The following KLLN variants were observed in gnomAD, a reference collection of about 807,000 sequenced individuals.
KLLN encodes killin.
For synonymous variants in KLLN, 142 were observed against 102.2 expected (o/e 1.39, Z -2.35); for missense variants, 340 against 241.3 (o/e 1.41, Z -2.71).
chr10:87,862,454 C>T lies in KLLN; in HGVS notation c.34G>A (p.Gly12Ser). ...TAACCCCAAACGTGCACGGTCCGGC[C>T]GGGGCGCGCGGAGCCTGGCCCCGGG... ...DRPGPGSARP[G>S]RTVHVWGYRV... Residue 12 changes from glycine (G) to serine (S), a missense_variant, in exon 1 of 1, where the codon GGC becomes AGC. Coordinates refer to ENST00000445946, the MANE Select transcript of KLLN (RefSeq NM_001126049.2). 1 of 1,550,188 alleles carries T rather than the reference C, an allele frequency of 6.5e-7. No individual in the cohort carries two copies. Among genetic ancestry groups the T allele is most frequent in the South Asian group, 1.2e-5 (1 of 84,030 alleles).
rs139261693 is a variant in KLLN, at chr10:87,860,239, T to C, written c.*1712A>G. ...ATCAGTATTTCTTTCAGAAACAACT[T>C]AACACTAGGAACAGAAGGAGGATTT... On this transcript the variant is annotated 3_prime_UTR_variant, in exon 1 of 1. Transcript: ENST00000445946. 2.3e-4 allele frequency: 35 copies of C among 152,260 alleles called. No homozygotes were observed. Among genetic ancestry groups the C allele is most frequent in the African/African-American group, 7.2e-4 (30 of 41,536 alleles). 9.4% of individuals were successfully genotyped at this position (152,260 alleles called of 1,614,324 possible).
chr10:87,862,609 G>A lies in KLLN; in HGVS notation c.-122C>T, dbSNP rs1334753473. Reference sequence around the variant, plus strand: ...GGGGAAAGATGCTCGACTCTCTTGGGGGCACCGGAGCGGGCGCAGGAGAGG... The same window carrying A: ...GGGGAAAGATGCTCGACTCTCTTGGAGGCACCGGAGCGGGCGCAGGAGAGG... On this transcript the variant is annotated 5_prime_UTR_variant, in exon 1 of 1. Coordinates refer to ENST00000445946, the MANE Select transcript of KLLN (RefSeq NM_001126049.2). The A allele has an allele frequency of 5.4e-6, 5 of 932,182 alleles. No homozygotes were observed. The highest frequency in any genetic ancestry group is 1.7e-5 in the African/African-American group (1 of 59,900). 57.7% of individuals were successfully genotyped at this position (932,182 alleles called of 1,614,324 possible).
Position 87,859,414 on chromosome 10 carries a change from A to C in KLLN, c.*2537T>G, listed in dbSNP as rs1339147245. The C allele has an allele frequency of 6.6e-6, 1 of 152,210 alleles. No homozygotes were observed. 9.4% of individuals were successfully genotyped at this position (152,210 alleles called of 1,614,324 possible). ...TCAGCGTATGGGAGATGAGAAAGGC[A>C]CTATAGAGATCAGAGTGTTTACACA... On this transcript the variant is annotated 3_prime_UTR_variant, in exon 1 of 1. Transcript: ENST00000445946.
rs2132138814 is a variant in KLLN, at chr10:87,862,959, G to C, written c.-472C>G. 1 of 187,692 alleles carries C rather than the reference G, an allele frequency of 5.3e-6. No individual in the cohort carries two copies. Among genetic ancestry groups the C allele is most frequent in the South Asian group, 1.4e-4 (1 of 7,318 alleles). 11.6% of individuals were successfully genotyped at this position (187,692 alleles called of 1,614,324 possible). On this transcript the variant is annotated 5_prime_UTR_variant, in exon 1 of 1. Coordinates refer to ENST00000445946, the MANE Select transcript of KLLN (RefSeq NM_001126049.2). ...AAATCTCTGCGAACGATTGTGATCC[G>C]ACAGCGGTGCAAAAGGAAAGAGCGA...
chr10:87,863,448 C>G lies in KLLN; in HGVS notation c.-961G>C. On this transcript the variant is annotated 5_prime_UTR_variant, in exon 1 of 1. Transcript: ENST00000445946. ...CCTGCCCTGCCCTGCCCTCCCCTCG[C>G]CCGGCGCGGTCCCGTCCGCCTCTCG... The G allele has an allele frequency of 2.7e-6, 1 of 376,664 alleles. No individual in the cohort carries two copies. The highest frequency in any genetic ancestry group is 1.5e-4 in the South Asian group (1 of 6,852). The allele number at this position is 376,664 out of a possible 1,614,324, so 23.3% of individuals were successfully genotyped here.
chr10:87,859,325 C>T lies in KLLN; in HGVS notation c.*2626G>A, dbSNP rs1858219930. The T allele has an allele frequency of 6.6e-6, 1 of 152,030 alleles. No homozygotes were observed. Among genetic ancestry groups the T allele is most frequent in the South Asian group, 2.1e-4 (1 of 4,824 alleles). 9.4% of individuals were successfully genotyped at this position (152,030 alleles called of 1,614,324 possible). A position where few individuals can be genotyped will look rare whatever the true frequency, so the allele number is the denominator to read the frequency against. On this transcript the variant is annotated 3_prime_UTR_variant, in exon 1 of 1. Coordinates refer to ENST00000445946, the MANE Select transcript of KLLN (RefSeq NM_001126049.2). ...TATTATTTAGAAAACAGTAGTTAAA[C>T]AGACAGAAATACAGAAGATTGTTTA...
Position 87,862,500 on chromosome 10 carries a change from T to A in KLLN, c.-13A>T. The A allele has an allele frequency of 2.0e-6, 3 of 1,535,612 alleles. No individual in the cohort carries two copies. Among genetic ancestry groups the A allele is most frequent in the Non-Finnish European group, 2.6e-6 (3 of 1,136,954 alleles). On this transcript the variant is annotated 5_prime_UTR_variant, in exon 1 of 1. Transcript: ENST00000445946. The stretch of plus-strand genomic sequence containing the variant: ...CCGGGCGATCCATCCTGCCGGGTTT[T>A]CACGGCGGCCAAGGGGGGGCGGGGC...
Position 87,861,964 on chromosome 10 carries a change from T to C in KLLN, c.524A>G (p.Lys175Arg). The C allele has an allele frequency of 1.4e-6, 2 of 1,460,170 alleles. No individual in the cohort carries two copies. The highest frequency in any genetic ancestry group is 1.8e-6 in the Non-Finnish European group (2 of 1,104,826). 90.5% of individuals were successfully genotyped at this position (1,460,170 alleles called of 1,614,324 possible). Reference protein sequence around the residue: ...VPLLACYPKSKPKD With the variant: ...VPLLACYPKSRPKD ...GAGTCTCAGGTCTCAGTCCTTTGGC[T>C]TGCTCTTAGGGTAGCAGGCGAGGAG... The change falls in exon 1 of 1, where the codon AAG (lysine) becomes AGG (arginine). Residue 175 changes from lysine (K) to arginine (R), a missense_variant. By Grantham distance (26) the Lys-to-Arg change is conservative. Coordinates refer to ENST00000445946, the MANE Select transcript of KLLN (RefSeq NM_001126049.2).
chr10:87,862,275 C>T lies in KLLN; in HGVS notation c.213G>A (p.Gly71=). 2 of 1,551,744 alleles carry T rather than the reference C, an allele frequency of 1.3e-6. No homozygotes were observed. Among genetic ancestry groups the T allele is most frequent in the South Asian group, 2.4e-5 (2 of 84,064 alleles). Residue 71 remains glycine, a synonymous_variant, in exon 1 of 1, where the codon GGG becomes GGA. Coordinates refer to ENST00000445946, the MANE Select transcript of KLLN (RefSeq NM_001126049.2). ...FRRRSRVSLV[G]ELSKFPLPSD... is the part of the protein sequence containing the mutation. ...TGGGGAGTGGGAATTTGGAAAGTTC[C>T]CCAACTAGGGACACACGTGACCTCC...
Position 87,862,606 on chromosome 10 carries a change from T to G in KLLN, c.-119A>C. The G allele has an allele frequency of 1.1e-6, 1 of 951,220 alleles. No individual in the cohort carries two copies. Among genetic ancestry groups the G allele is most frequent in the South Asian group, 1.7e-5 (1 of 58,134 alleles). 58.9% of individuals were successfully genotyped at this position (951,220 alleles called of 1,614,324 possible). On this transcript the variant is annotated 5_prime_UTR_variant, in exon 1 of 1. Coordinates refer to ENST00000445946, the MANE Select transcript of KLLN (RefSeq NM_001126049.2). ...CGAGGGGAAAGATGCTCGACTCTCT[T>G]GGGGGCACCGGAGCGGGCGCAGGAG...
In KLLN at chr10:87,860,492, A is replaced by G. The variant is rs990909150; in HGVS notation, c.*1459T>C. ...TGGTGATGCAGATTATCTCTGCTCC[A>G]GAGTAACTCTGTGCCATGGAATCCA... On this transcript the variant is annotated 3_prime_UTR_variant, in exon 1 of 1. Transcript: ENST00000445946. The G allele has an allele frequency of 4.6e-5, 7 of 152,268 alleles. No individual in the cohort carries two copies. The highest frequency in any genetic ancestry group is 8.8e-5 in the Non-Finnish European group (6 of 68,050). The allele number at this position is 152,268 out of a possible 1,614,324, so 9.4% of individuals were successfully genotyped here. A position where few individuals can be genotyped will look rare whatever the true frequency, so the allele number is the denominator to read the frequency against.
In KLLN at chr10:87,862,412, C is replaced by G; in HGVS notation, c.76G>C (p.Val26Leu). Residue 26 changes from valine to leucine, a missense_variant, in exon 1 of 1, where the codon GTA becomes CTA. By Grantham distance (32) the Val-to-Leu change is conservative (BLOSUM62 1). Transcript: ENST00000445946. Reference protein sequence around the residue: ...HVWGYRVEWKVRNGRKLQPSE... With the variant: ...HVWGYRVEWKLRNGRKLQPSE... ...GGCTGCAGCTTCCTACCGTTCCGTA[C>G]TTTCCACTCAACCCGGTAACCCCAA... 2 of 1,551,696 alleles carry G rather than the reference C, an allele frequency of 1.3e-6. No homozygotes were observed. Among genetic ancestry groups the G allele is most frequent in the Admixed American group, 3.9e-5 (2 of 51,008 alleles).
At position 87,863,299 on chromosome 10, in the gene KLLN, C is replaced by T. The variant is rs587779981; in HGVS notation, c.-812G>A. ...AAGCCGCAGCAAGTGCAGCTGCAGG[C>T]TGGCGGCTGGGAACCGGCCCGAGCA... On this transcript the variant is annotated 5_prime_UTR_variant, in exon 1 of 1. Coordinates refer to ENST00000445946, the MANE Select transcript of KLLN (RefSeq NM_001126049.2). 1.1e-4 allele frequency: 29 copies of T among 263,548 alleles called. No homozygotes were observed. The highest frequency in any genetic ancestry group is 1.9e-4 in the Non-Finnish European group (25 of 129,762). 16.3% of individuals were successfully genotyped at this position (263,548 alleles called of 1,614,324 possible).
At position 87,862,522 on chromosome 10, in the gene KLLN, G is replaced by A. The variant is rs1483440984; in HGVS notation, c.-35C>T. On this transcript the variant is annotated 5_prime_UTR_variant, in exon 1 of 1. Coordinates refer to ENST00000445946, the MANE Select transcript of KLLN (RefSeq NM_001126049.2). ...TTTTCACGGCGGCCAAGGGGGGGCGGGGCTAGGTGGTCTCTGAGAACCGAG... is the reference window on the plus strand; with the variant it reads ...TTTTCACGGCGGCCAAGGGGGGGCGAGGCTAGGTGGTCTCTGAGAACCGAG... The A allele has an allele frequency of 6.6e-7, 1 of 1,510,128 alleles. No individual in the cohort carries two copies. Among genetic ancestry groups the A allele is most frequent in the African/African-American group, 1.4e-5 (1 of 71,388 alleles). The allele number at this position is 1,510,128 out of a possible 1,614,324, so 93.5% of individuals were successfully genotyped here.
Position 87,862,231 on chromosome 10 carries a change from T to C in KLLN, c.257A>G (p.Lys86Arg). 5 of 1,551,688 alleles carry C rather than the reference T, an allele frequency of 3.2e-6. No individual in the cohort carries two copies. Among genetic ancestry groups the C allele is most frequent in the Non-Finnish European group, 3.5e-6 (4 of 1,146,978 alleles). ...ACCCCGAGCAAAGGAAGAAGACGAC[T>C]TGCCTCCGGAGCTATCACTGGGGAG... The part of the protein sequence containing the change: ...FPLPSDSSGG[K>R]SSSSFARGAL... Residue 86 changes from lysine (K) to arginine (R), a missense_variant, in exon 1 of 1, where the codon AAG (lysine) becomes AGG (arginine). Coordinates refer to ENST00000445946, the MANE Select transcript of KLLN (RefSeq NM_001126049.2).
In KLLN at chr10:87,862,115, G is replaced by A. The variant is rs1858269948; in HGVS notation, c.373C>T (p.Arg125Trp). ...ARTSLPKERC[R>W]GWRLGNWLHK... is the part of the protein sequence containing the mutation. ...AACCAGTTCCCCAAGCGCCAGCCCC[G>A]ACAGCGCTCCTTCGGGAGGCTGGTC... The change falls in exon 1 of 1, where the codon CGG (arginine) becomes TGG (tryptophan). Residue 125 changes from arginine (R) to tryptophan (W), a missense_variant. By Grantham distance (101) the Arg-to-Trp change is moderately radical. Coordinates refer to ENST00000445946, the MANE Select transcript of KLLN (RefSeq NM_001126049.2). 69 of 1,545,416 alleles carry A rather than the reference G, an allele frequency of 4.5e-5. No homozygotes were observed. The highest frequency in any genetic ancestry group is 5.9e-5 in the Non-Finnish European group (67 of 1,143,334).
In KLLN at chr10:87,861,360, T is replaced by G. The variant is rs1218327551; in HGVS notation, c.*591A>C. On this transcript the variant is annotated 3_prime_UTR_variant, in exon 1 of 1. Transcript: ENST00000445946. ...GAACACACATGCAGATTGATTCTCA[T>G]TCTCTCAAAGTTTGAAAAACAACTC... 1 of 152,384 alleles carries G rather than the reference T, an allele frequency of 6.6e-6. No homozygotes were observed. Among genetic ancestry groups the G allele is most frequent in the African/African-American group, 2.4e-5 (1 of 41,460 alleles). The allele number at this position is 152,384 out of a possible 1,614,324, so 9.4% of individuals were successfully genotyped here.
Position 87,861,306 on chromosome 10 carries a change from T to C in KLLN, c.*645A>G, listed in dbSNP as rs1215750037. Reference sequence around the variant, plus strand: ...TTCTCAAATACAGCATAAACCCTCTTTAGACTTTGCTAGGCACTTACAATT... The same window carrying C: ...TTCTCAAATACAGCATAAACCCTCTCTAGACTTTGCTAGGCACTTACAATT... On this transcript the variant is annotated 3_prime_UTR_variant, in exon 1 of 1. Transcript: ENST00000445946. The C allele has an allele frequency of 1.3e-5, 2 of 152,258 alleles. No homozygotes were observed. The highest frequency in any genetic ancestry group is 2.9e-5 in the Non-Finnish European group (2 of 68,074). 9.4% of individuals were successfully genotyped at this position (152,258 alleles called of 1,614,324 possible).
rs1589594030 is a variant in KLLN at position 87,863,512 on chromosome 10, G to C, written c.-1025C>G. On this transcript the variant is annotated 5_prime_UTR_variant, in exon 1 of 1. Coordinates refer to ENST00000445946, the MANE Select transcript of KLLN (RefSeq NM_001126049.2). ...TCCCCTCGGTCTTCCGAGGCGCCCG[G>C]GCTCCCGGCGCGGCGGCGGAGGGGG... 1 of 385,168 alleles carries C rather than the reference G, an allele frequency of 2.6e-6. No individual in the cohort carries two copies. 23.9% of individuals were successfully genotyped at this position (385,168 alleles called of 1,614,324 possible).
Sources: allele counts gnomAD v4.1 joint callset, GRCh38; gene constraint gnomAD v4.1.1; transcripts MANE v1.5; gene names NCBI Gene and HGNC (gene_info 2026-07-23, HGNC 2026-07-21).